KIAA1217: variants seen among roughly 807,000 people sequenced by gnomAD.
The protein encoded by KIAA1217 is KIAA1217, also known as sickle tail protein homolog.
In KIAA1217, 88 loss-of-function variants were observed where a neutral mutation model predicts 163.9. The observed-to-expected ratio is 0.54, with a 90% confidence interval of 0.45 to 0.64. The LOEUF (loss-of-function observed/expected upper bound fraction) is 0.64. Ranked by LOEUF, KIAA1217 falls within the 30% of genes least tolerant of loss-of-function variation. The pLI, the probability that KIAA1217 is intolerant of heterozygous loss-of-function variation, is 0.00. For synonymous variants in KIAA1217, 903 were observed against 923.1 expected (o/e 0.98, Z 0.39); for missense variants, 2,372 against 2,475.0 (o/e 0.96, Z 0.88).
At chr10:24,285,609 T>C (rs556228011) in intron 2 of KIAA1217, among the ~76,000 whole-genome samples, 1 of 152,376 alleles carries the variant, frequency 6.6e-6, no homozygotes, top group African/African-American at 2.4e-5. Flanking sequence ...TTTTGGTTAC[T>C]GTAGCCTTGT....
At chr10:24,402,620 G>A (rs1057166533) in intron 3 of KIAA1217, among the ~76,000 whole-genome samples, 1 of 151,744 alleles carries the variant, frequency 6.6e-6, no homozygotes, top group Admixed American at 6.6e-5. Context: ...CAGATTTTTA[G>A]GCTGCTTATA....
chr10:24,545,248 A>C, intron 20 of KIAA1217, 145 bp downstream of exon 20: 1 of 1,439,996 alleles, frequency 6.9e-7, no homozygotes, highest in Non-Finnish European at 9.1e-7. Flanking sequence ...AGAAAGTCTA[A>C]ATAAACCTTT....
At chr10:24,174,024 T>G (rs1475698377) in intron 2 of KIAA1217, among the ~76,000 whole-genome samples, 1 of 152,194 alleles carries the variant, frequency 6.6e-6, no homozygotes, top group African/African-American at 2.4e-5. Context: ...ATCATGGAAA[T>G]GCACCATTCT....
chr10:24,053,027 T>C (rs1589312428), intron 2 of KIAA1217, among the ~76,000 whole-genome samples: 1 of 152,192 alleles, frequency 6.6e-6, no homozygotes, highest in Non-Finnish European at 1.5e-5. Flanking sequence ...TTAACTATTA[T>C]GGTTTCTCAA....
chr10:23,925,501 C>T (rs868178546), intron 1 of KIAA1217, among the ~76,000 whole-genome samples: 8 of 152,360 alleles, frequency 5.3e-5, no homozygotes, highest in Middle Eastern at 3.4e-3. Context: ...TTTTGACTGT[C>T]GCTGGACTTT....
At chr10:24,137,304 G>A (rs1331685302) in intron 2 of KIAA1217, among the ~76,000 whole-genome samples, 1 of 152,192 alleles carries the variant, frequency 6.6e-6, no homozygotes, top group African/African-American at 2.4e-5. Flanking sequence ...ACTGAATCCT[G>A]CAGAGACCCA....
At chr10:23,842,964 T>A (rs574622495) in intron 1 of KIAA1217, among the ~76,000 whole-genome samples, 4 of 152,208 alleles carry the variant, frequency 2.6e-5, no homozygotes, top group South Asian at 2.1e-4. Context: ...CAAGTAAAAA[T>A]TATTATCTTG....
At chr10:24,074,346 C>T (rs1589400029) in intron 2 of KIAA1217, among the ~76,000 whole-genome samples, 1 of 152,130 alleles carries the variant, frequency 6.6e-6, no homozygotes, top group East Asian at 1.9e-4. Context: ...GAGTAAGACT[C>T]TGTCTCAAAC....
chr10:24,459,329 T>C (rs1228937566), intron 5 of KIAA1217, among the ~76,000 whole-genome samples: 1 of 152,208 alleles, frequency 6.6e-6, no homozygotes, highest in Admixed American at 6.5e-5. Flanking sequence ...ATCCCCACCA[T>C]AAGAACCTCA....
At chr10:23,727,689 C>T (rs142466493) in intron 1 of KIAA1217, among the ~76,000 whole-genome samples, 62 of 152,226 alleles carry the variant, frequency 4.1e-4, no homozygotes, top group Non-Finnish European at 7.9e-4. Context: ...GATACATGTG[C>T]AGAACGTGCA....
chr10:23,796,385 A>G (rs893715988), intron 1 of KIAA1217, among the ~76,000 whole-genome samples: 2 of 137,060 alleles, frequency 1.5e-5, no homozygotes, highest in Non-Finnish European at 3.2e-5. Flanking sequence ...TTTAATTGAG[A>G]CGAAGTCTCA....
At chr10:24,375,293 T>C (rs1420709476) in intron 2 of KIAA1217, among the ~76,000 whole-genome samples, 1 of 152,122 alleles carries the variant, frequency 6.6e-6, no homozygotes, top group Non-Finnish European at 1.5e-5. Context: ...CAACCCAGCA[T>C]GGACATTAAA....
chr10:24,163,781 G>A (rs973070321), intron 2 of KIAA1217, among the ~76,000 whole-genome samples: 5 of 152,148 alleles, frequency 3.3e-5, no homozygotes, highest in Non-Finnish European at 7.3e-5. Context: ...AATTTGGCCA[G>A]AACTACAATA....
intron 1 of KIAA1217, among the ~76,000 whole-genome samples, chr10:23,857,648 C>T (rs534399430): frequency 1.6e-4 from 25 of 152,186 alleles, no homozygotes; most frequent in African/African-American, 3.6e-4. Context: ...ACGGTTTGCA[C>T]GCTTTTGATG....
intron 1 of KIAA1217, among the ~76,000 whole-genome samples, chr10:23,812,308 T>C (rs1489519669): frequency 6.6e-6 from 1 of 152,194 alleles, no homozygotes; most frequent in East Asian, 1.9e-4. Context: ...TAATCTATAA[T>C]TAGTTGTATA....
chr10:24,006,337 C>CTT (rs1452963821), intron 1 of KIAA1217, among the ~76,000 whole-genome samples: 2 of 152,146 alleles, frequency 1.3e-5, no homozygotes, highest in East Asian at 3.9e-4. Flanking sequence ...TTTTTCCATA[C>CTT]TTTTATCCAT....
chr10:24,183,728 C>T (rs186628807), intron 2 of KIAA1217, among the ~76,000 whole-genome samples: 9 of 152,210 alleles, frequency 5.9e-5, no homozygotes, highest in African/African-American at 1.9e-4. Context: ...CCATTTATTC[C>T]CACTAAATCT....
intron 2 of KIAA1217, among the ~76,000 whole-genome samples, chr10:24,186,831 A>G (rs1272550733): frequency 6.6e-6 from 1 of 152,204 alleles, no homozygotes; most frequent in Non-Finnish European, 1.5e-5. Context: ...CAGAGGCTGC[A>G]GTGGGCCAAG....
chr10:23,777,611 C>G (rs77073294), intron 1 of KIAA1217, among the ~76,000 whole-genome samples: 1 of 152,048 alleles, frequency 6.6e-6, no homozygotes, highest in Non-Finnish European at 1.5e-5. Flanking sequence ...TCCCTTACAG[C>G]TGAATTATTT....
Sources: gnomAD v4.1 joint callset for allele counts (sites outside exome capture counted in the v4.1 genomes callset) on GRCh38, gnomAD v4.1.1 for gene constraint, MANE v1.5 for transcripts, NCBI Gene and HGNC (gene_info 2026-07-23, HGNC 2026-07-21) for gene names.